PCDHA10: variants seen among roughly 807,000 people sequenced by gnomAD.
PCDHA10 encodes protocadherin alpha-10.
In PCDHA10, 45 loss-of-function variants were observed where a neutral mutation model predicts 61.2. That is an observed-to-expected ratio of 0.74 (90% CI 0.58 to 0.94). The LOEUF (loss-of-function observed/expected upper bound fraction) is 0.94, where lower values mean the gene tolerates loss of function less well. Ranked by LOEUF, PCDHA10 falls within the 40% of genes least tolerant of loss-of-function variation. PCDHA10 has a pLI of 0.00. For missense variants in PCDHA10, 1,278 were observed against 1,236.2 expected (o/e 1.03, Z -0.51); for synonymous variants, 602 against 548.8 (o/e 1.10, Z -1.35).
intron 1 of PCDHA10, among the ~76,000 whole-genome samples, chr5:140,900,088 G>C (rs545975836): frequency 6.6e-6 from 1 of 152,240 alleles, no homozygotes; most frequent in African/African-American, 2.4e-5. Context: ...GCAGTTACAA[G>C]CATGCGCCAC....
rs563178599 is a variant in PCDHA10, at chr5:140,863,384, C to G, written c.2388+4948C>G. The G allele has an allele frequency of 5.4e-5, 56 of 1,044,914 alleles. No homozygotes were observed. In the South Asian group the frequency reaches 6.5e-4, roughly 12 times the overall value. The allele number at this position is 1,044,914 out of a possible 1,614,324, so 64.7% of individuals were successfully genotyped here. On this transcript the variant is annotated intron_variant, in intron 1 of 3. Coordinates refer to ENST00000307360, the MANE Select transcript of PCDHA10 (RefSeq NM_018901.4). ...TGCTTGGCGCAGCTCACCGAGAGCT[C>G]GTGCATGCCGGGCAAGCCCACGCTG... is the stretch of plus-strand genomic sequence containing the variant.
At chr5:140,950,882 G>C (rs1182849126) in intron 1 of PCDHA10, among the ~76,000 whole-genome samples, 1 of 151,764 alleles carries the variant, frequency 6.6e-6, no homozygotes, top group Non-Finnish European at 1.5e-5. Flanking sequence ...TTGTTCAATA[G>C]GTCTCTGAGA....
At chr5:140,929,174 G>A (rs782544510) in intron 1 of PCDHA10, 2 of 1,614,140 alleles carry the variant, frequency 1.2e-6, no homozygotes, top group East Asian at 4.5e-5. Context: ...GCCTCTCTGG[G>A]ACTTGGTTCT....
chr5:140,967,966 G>A, intron 1 of PCDHA10: 1 of 1,614,214 alleles, frequency 6.2e-7, no homozygotes, highest in African/African-American at 1.3e-5. Context: ...ACCGGAAAGT[G>A]AGCCTGGGTC....
intron 1 of PCDHA10, among the ~76,000 whole-genome samples, chr5:140,935,509 C>T (rs2090411551): frequency 6.6e-6 from 1 of 152,080 alleles, no homozygotes; most frequent in Admixed American, 6.6e-5. Context: ...TTACAAATGC[C>T]CAGTAGGCAT....
intron 1 of PCDHA10, among the ~76,000 whole-genome samples, chr5:140,959,030 G>A (rs1303090530): frequency 6.6e-6 from 1 of 151,776 alleles, no homozygotes; most frequent in African/African-American, 2.4e-5. Flanking sequence ...GCTTTATCAT[G>A]GGTATGTATG....
At chr5:140,971,952 C>T (rs782029862) in intron 1 of PCDHA10, among the ~76,000 whole-genome samples, 3 of 152,012 alleles carry the variant, frequency 2.0e-5, no homozygotes, top group Non-Finnish European at 4.4e-5. Context: ...CATCTGACTC[C>T]AAAAACTTTT....
intron 1 of PCDHA10, chr5:140,884,006 C>T (rs369069323): frequency 1.2e-6 from 2 of 1,612,906 alleles, no homozygotes; most frequent in African/African-American, 2.7e-5. Context: ...AGTGAGCGAG[C>T]TGATGCCGCG....
chr5:140,981,335 AG>A (rs2096927378), intron 2 of PCDHA10, among the ~76,000 whole-genome samples: 3 of 152,168 alleles, frequency 2.0e-5, no homozygotes, highest in Non-Finnish European at 4.4e-5. Context: ...GCACTTTGGG[AG>A]GGTGAGGCAG....
At chr5:140,877,258 G>A in intron 1 of PCDHA10, 1 of 1,613,780 alleles carries the variant, frequency 6.2e-7, no homozygotes, top group South Asian at 1.1e-5. Flanking sequence ...GAAAGTGCGC[G>A]CGGTGGACGC....
intron 1 of PCDHA10, among the ~76,000 whole-genome samples, chr5:140,900,435 G>A (rs1219799362): frequency 3.3e-5 from 5 of 152,088 alleles, no homozygotes; most frequent in African/African-American, 9.7e-5. Context: ...GTGCCACCAC[G>A]GCCGGCTAAT....
At chr5:140,878,577 G>A (rs1228813773) in intron 1 of PCDHA10, among the ~76,000 whole-genome samples, 2 of 152,122 alleles carry the variant, frequency 1.3e-5, no homozygotes, top group African/African-American at 2.4e-5. Context: ...GTATACCACT[G>A]CCCTGTGCCT....
chr5:140,986,280 C>T (rs2097193236), intron 3 of PCDHA10, among the ~76,000 whole-genome samples: 1 of 152,116 alleles, frequency 6.6e-6, no homozygotes, highest in African/African-American at 2.4e-5. Flanking sequence ...TTTCAGCTTC[C>T]CTTGAGACTG....
chr5:140,932,187 T>C (rs2153611225), intron 1 of PCDHA10, among the ~76,000 whole-genome samples: 1 of 152,028 alleles, frequency 6.6e-6, no homozygotes, highest in Admixed American at 6.5e-5. Context: ...CTCATGTCCA[T>C]TTTTTTCTGT....
At chr5:140,927,502 A>G (rs1554204633) in intron 1 of PCDHA10, 1 of 1,614,134 alleles carries the variant, frequency 6.2e-7, no homozygotes, top group Non-Finnish European at 8.5e-7. Context: ...GCTGGTGCTT[A>G]CAGCTCGGGA....
At chr5:140,939,590 C>G (rs1385974524) in intron 1 of PCDHA10, among the ~76,000 whole-genome samples, 1 of 152,052 alleles carries the variant, frequency 6.6e-6, no homozygotes, top group African/African-American at 2.4e-5. Flanking sequence ...TTTTAACATA[C>G]CTTGCTCAAA....
chr5:140,968,029 G>A, intron 1 of PCDHA10: 1 of 1,614,170 alleles, frequency 6.2e-7, no homozygotes, highest in Non-Finnish European at 8.5e-7. Context: ...CCTATACACT[G>A]GTGGTGAGCG....
At chr5:140,912,465 C>T (rs2153521985) in intron 1 of PCDHA10, among the ~76,000 whole-genome samples, 1 of 151,968 alleles carries the variant, frequency 6.6e-6, no homozygotes, top group South Asian at 2.1e-4. Context: ...TATCCTGGAA[C>T]TTTACTGAAT....
intron 1 of PCDHA10, among the ~76,000 whole-genome samples, chr5:140,907,595 A>C (rs1278261727): frequency 6.6e-6 from 1 of 152,198 alleles, no homozygotes; most frequent in African/African-American, 2.4e-5. Flanking sequence ...GATCACCCTG[A>C]GGAATGGTGC....
Sources: allele counts gnomAD v4.1 joint callset (sites outside exome capture counted in the v4.1 genomes callset), GRCh38; gene constraint gnomAD v4.1.1; transcripts MANE v1.5; gene names NCBI Gene and HGNC (gene_info 2026-07-23, HGNC 2026-07-21).